Variants in MBOAT1 observed in about 807,000 individuals in gnomAD.
The protein encoded by MBOAT1 is membrane bound glycerophospholipid O-acyltransferase 1, also known as membrane-bound glycerophospholipid O-acyltransferase 1.
Under a neutral mutation model 64.4 loss-of-function variants are expected in MBOAT1, and 67 were observed. The observed-to-expected ratio is 1.04, with a 90% CI of 0.85 to 1.27. The LOEUF (loss-of-function observed/expected upper bound fraction) is 1.27. Ranked by LOEUF, MBOAT1 falls within the 50% of genes most tolerant of loss-of-function variation. The probability of loss-of-function intolerance (pLI) is 0.00; values close to 1 mark genes in which losing one functional copy is unlikely to be tolerated. For missense variants in MBOAT1, 563 were observed against 604.6 expected, an observed-to-expected ratio of 0.93 and a Z score of 0.72; for synonymous variants, 229 against 218.9, an observed-to-expected ratio of 1.05 and a Z score of -0.41.
At chr6:20,197,997 G>A (rs1407293491) in intron 1 of MBOAT1, among the ~76,000 whole-genome samples, 6 of 152,110 alleles carry the variant, frequency 3.9e-5, no homozygotes, top group African/African-American at 7.2e-5. Flanking sequence ...AGTCTGAGGC[G>A]GGTGAAACAC....
intron 1 of MBOAT1, among the ~76,000 whole-genome samples, chr6:20,211,791 A>T (rs1386655249): frequency 6.6e-6 from 1 of 152,180 alleles, no homozygotes; most frequent in East Asian, 1.9e-4. Context: ...CGACTTGAGG[A>T]CACTGATGAA....
intron 1 of MBOAT1, among the ~76,000 whole-genome samples, chr6:20,211,757 G>C (rs1763426944): frequency 6.6e-6 from 1 of 151,872 alleles, no homozygotes; most frequent in Non-Finnish European, 1.5e-5. Context: ...TTTTAAGTAG[G>C]GTCATCTAAA....
chr6:20,121,867 A>C (rs1760501955), intron 8 of MBOAT1, among the ~76,000 whole-genome samples: 1 of 152,164 alleles, frequency 6.6e-6, no homozygotes, highest in Admixed American at 6.5e-5. Context: ...GAGGAAATTA[A>C]AACTATTAAT....
At chr6:20,184,880 A>AGTGCGTGTGTGT (rs1762606590) in intron 1 of MBOAT1, among the ~76,000 whole-genome samples, 1 of 142,866 alleles carries the variant, frequency 7.0e-6, no homozygotes, top group Non-Finnish European at 1.5e-5. Context: ...TTATAACTGC[A>AGTGCGTGTGTGT]GTGTGTGTGT....
At chr6:20,140,719 C>A (rs1761144784) in intron 4 of MBOAT1, among the ~76,000 whole-genome samples, 2 of 152,170 alleles carry the variant, frequency 1.3e-5, no homozygotes, top group Non-Finnish European at 2.9e-5. Flanking sequence ...TCACAGATGG[C>A]AGATGGTGGG....
chr6:20,167,348 T>C (rs1762042917), intron 1 of MBOAT1, among the ~76,000 whole-genome samples: 1 of 152,216 alleles, frequency 6.6e-6, no homozygotes, highest in African/African-American at 2.4e-5. Flanking sequence ...TCTCCAAAAG[T>C]TAAAGCAATG....
At chr6:20,179,592 T>G (rs1422248511) in intron 1 of MBOAT1, among the ~76,000 whole-genome samples, 2 of 152,226 alleles carry the variant, frequency 1.3e-5, no homozygotes, top group Admixed American at 6.5e-5. Flanking sequence ...TGATTCCATG[T>G]GTCTGTTATT....
At chr6:20,108,941 C>T (rs140315845) in intron 12 of MBOAT1, among the ~76,000 whole-genome samples, 2 of 152,370 alleles carry the variant, frequency 1.3e-5, no homozygotes, top group Admixed American at 6.5e-5. Context: ...TGCTCAACCA[C>T]TTCACAACAG....
chr6:20,185,275 C>T (rs184517350), intron 1 of MBOAT1, among the ~76,000 whole-genome samples: 18 of 152,204 alleles, frequency 1.2e-4, no homozygotes, highest in Non-Finnish European at 2.1e-4. Context: ...CAATCAATAG[C>T]AAATGTGATG....
chr6:20,170,570 T>C (rs1052680067), intron 1 of MBOAT1, among the ~76,000 whole-genome samples: 2 of 152,162 alleles, frequency 1.3e-5, no homozygotes, highest in Non-Finnish European at 1.5e-5. Flanking sequence ...TCCATATAGC[T>C]ACCTGAATTC....
intron 1 of MBOAT1, among the ~76,000 whole-genome samples, chr6:20,179,655 C>T (rs1202208): frequency 0.41 from 61,757 of 151,990 alleles, 14,215 homozygotes; most frequent in Admixed American, 0.57. Flanking sequence ...AAATCACTTA[C>T]ATTCCTTTGG....
At chr6:20,173,276 G>A (rs999855489) in intron 1 of MBOAT1, among the ~76,000 whole-genome samples, 1 of 152,040 alleles carries the variant, frequency 6.6e-6, no homozygotes, top group African/African-American at 2.4e-5. Context: ...TGAAGAAAAT[G>A]TGAGTTTTCA....
chr6:20,111,878 A>ATG (rs1376462947), intron 11 of MBOAT1, among the ~76,000 whole-genome samples: 1 of 138,710 alleles, frequency 7.2e-6, no homozygotes, highest in African/African-American at 2.8e-5. Context: ...ACATATATAT[A>ATG]TGTATATATA....
Position 20,112,858 on chromosome 6 carries a change from G to C in MBOAT1, c.1209+18C>G, listed in dbSNP as rs1341037306. ...CAGATTACTAAGGGGAAAGACCCTA[G>C]GCCTAAAGCACACTTACCGCTCTAG... On this transcript the variant is annotated intron_variant, in intron 11 of 12. Transcript: ENST00000324607. The C allele has an allele frequency of 6.2e-6, 10 of 1,609,366 alleles. No homozygotes were observed. The highest frequency in any genetic ancestry group is 3.4e-5 in the Admixed American group (2 of 59,632).
chr6:20,125,506 C>T (rs1054843008), intron 7 of MBOAT1, among the ~76,000 whole-genome samples: 1 of 152,330 alleles, frequency 6.6e-6, no homozygotes, highest in East Asian at 1.9e-4. Context: ...CTTATCTGTG[C>T]ACAAAAATGC....
intron 1 of MBOAT1, among the ~76,000 whole-genome samples, chr6:20,165,303 A>G (rs970277230): frequency 6.6e-6 from 1 of 152,040 alleles, no homozygotes; most frequent in Non-Finnish European, 1.5e-5. Context: ...ATTCAAAACT[A>G]CATGTCCAAC....
intron 1 of MBOAT1, among the ~76,000 whole-genome samples, chr6:20,179,841 A>G (rs1054830949): frequency 6.6e-6 from 1 of 152,170 alleles, no homozygotes; most frequent in East Asian, 1.9e-4. Context: ...TAACTTTTTA[A>G]TAATAGCCAT....
intron 4 of MBOAT1, among the ~76,000 whole-genome samples, chr6:20,143,217 T>C (rs1033333553): frequency 6.6e-6 from 1 of 152,202 alleles, no homozygotes; most frequent in East Asian, 1.9e-4. Context: ...GCTGTAATGT[T>C]CATTCCTCAA....
chr6:20,197,194 C>T (rs7767027), intron 1 of MBOAT1, among the ~76,000 whole-genome samples: 69,625 of 151,726 alleles, frequency 0.46, 17,870 homozygotes, highest in Non-Finnish European at 0.57. Context: ...TCAAGGGATC[C>T]TCCTGCCTCA....
Sources: allele counts gnomAD v4.1 joint callset (sites outside exome capture counted in the v4.1 genomes callset), GRCh38; gene constraint gnomAD v4.1.1; transcripts MANE v1.5; gene names NCBI Gene and HGNC (gene_info 2026-07-23, HGNC 2026-07-21).